MAPK8: variants seen among roughly 807,000 people sequenced by gnomAD.
The protein encoded by MAPK8 is mitogen-activated protein kinase 8, also known as JUN N-terminal kinase.
MAPK8 carries 13 observed loss-of-function variants against 52.9 expected under a neutral mutation model. The ratio of observed to expected loss-of-function variants is 0.25; its 90% CI spans 0.16 to 0.39. MAPK8 has a LOEUF of 0.39. Among genes scored for constraint, MAPK8 ranks in the 10% least tolerant of loss-of-function variants. The probability of loss-of-function intolerance (pLI) is 1.00; values close to 1 mark genes in which losing one functional copy is unlikely to be tolerated. For missense variants in MAPK8, 300 were observed against 519.2 expected, an observed-to-expected ratio of 0.58 and a Z score of 4.10; for synonymous variants, 191 against 169.8, an observed-to-expected ratio of 1.12 and a Z score of -0.97.
At chr10:48,429,631 C>T (rs2044012126) in intron 10 of MAPK8, among the ~76,000 whole-genome samples, 1 of 152,170 alleles carries the variant, frequency 6.6e-6, no homozygotes, top group African/African-American at 2.4e-5. Context: ...AATCCTCTTA[C>T]TGCAAATGTT....
At chr10:48,429,130 T>TA (rs934328222) in intron 10 of MAPK8, among the ~76,000 whole-genome samples, 7 of 151,748 alleles carry the variant, frequency 4.6e-5, no homozygotes, top group African/African-American at 1.7e-4. Flanking sequence ...GCCTAATTTT[T>TA]AAAAAAAAAT....
chr10:48,312,900 T>C (rs531448410), intron 1 of MAPK8, among the ~76,000 whole-genome samples: 1 of 151,278 alleles, frequency 6.6e-6, no homozygotes, highest in African/African-American at 2.5e-5. Flanking sequence ...TTCTACTCTG[T>C]GTAGCCACCT....
intron 10 of MAPK8, 52 bp downstream of exon 10, chr10:48,427,195 T>C: frequency 7.5e-7 from 1 of 1,334,478 alleles, no homozygotes; most frequent in Non-Finnish European, 1.1e-6. Context: ...TTCTGGTTTT[T>C]ATATGGTGAT....
At chr10:48,326,571 A>G (rs1843543108) in intron 1 of MAPK8, among the ~76,000 whole-genome samples, 1 of 152,140 alleles carries the variant, frequency 6.6e-6, no homozygotes, top group African/African-American at 2.4e-5. Flanking sequence ...TGTTTTAGGT[A>G]CTCTCAGCAG....
At chr10:48,352,608 A>C (rs1176580322) in intron 1 of MAPK8, among the ~76,000 whole-genome samples, 1 of 152,240 alleles carries the variant, frequency 6.6e-6, no homozygotes, top group Non-Finnish European at 1.5e-5. Flanking sequence ...TAGGAATAGA[A>C]GCAAACTTCC....
At chr10:48,362,664 G>A (rs1378846465) in intron 1 of MAPK8, among the ~76,000 whole-genome samples, 4 of 151,292 alleles carry the variant, frequency 2.6e-5, no homozygotes, top group Admixed American at 1.3e-4. Flanking sequence ...CAAGAAAAAT[G>A]TGCCTCCAAA....
At chr10:48,345,586 A>C (rs944896733) in intron 1 of MAPK8, among the ~76,000 whole-genome samples, 5 of 152,232 alleles carry the variant, frequency 3.3e-5, no homozygotes, top group African/African-American at 1.2e-4. Context: ...TTCTGCTTCC[A>C]AAATGGGATA....
intron 1 of MAPK8, among the ~76,000 whole-genome samples, chr10:48,349,587 A>G (rs1018503184): frequency 6.6e-6 from 1 of 152,246 alleles, no homozygotes; most frequent in African/African-American, 2.4e-5. Context: ...ACAAAGACAC[A>G]ATGTATCAGA....
At chr10:48,404,782 T>C (rs1209173343) in intron 2 of MAPK8, 70 bp from the exon 3 acceptor site, 1 of 1,233,108 alleles carries the variant, frequency 8.1e-7, no homozygotes, top group East Asian at 2.4e-5. Flanking sequence ...TGTATATGAC[T>C]GTTTCATGAA....
intron 3 of MAPK8, among the ~76,000 whole-genome samples, chr10:48,409,450 A>G (rs901547739): frequency 6.6e-6 from 1 of 152,178 alleles, no homozygotes. Context: ...ATGCTTATGG[A>G]TGAACCAGTG....
intron 1 of MAPK8, among the ~76,000 whole-genome samples, chr10:48,311,667 G>C (rs1841994397): frequency 1.3e-5 from 2 of 152,202 alleles, no homozygotes; most frequent in African/African-American, 4.8e-5. Context: ...ATTTGTCAGA[G>C]ACCTGGTAAC....
chr10:48,434,628 T>G (rs991882878), intron 11 of MAPK8, among the ~76,000 whole-genome samples: 1 of 152,172 alleles, frequency 6.6e-6, no homozygotes, highest in Non-Finnish European at 1.5e-5. Context: ...GATGTAAAAT[T>G]CTTGTCTTAA....
intron 1 of MAPK8, among the ~76,000 whole-genome samples, chr10:48,329,941 A>G (rs190701866): frequency 6.6e-6 from 1 of 152,138 alleles, no homozygotes; most frequent in African/African-American, 2.4e-5. Flanking sequence ...ATTTAAAAAA[A>G]TTTTTTTTAA....
chr10:48,314,290 C>T (rs139376646), intron 1 of MAPK8, among the ~76,000 whole-genome samples: 14 of 152,206 alleles, frequency 9.2e-5, no homozygotes, highest in African/African-American at 3.1e-4. Context: ...ATGGGGGCTC[C>T]ACCCTCATGA....
intron 6 of MAPK8, among the ~76,000 whole-genome samples, chr10:48,421,050 A>T (rs1420501810): frequency 2.0e-5 from 3 of 152,208 alleles, no homozygotes; most frequent in African/African-American, 7.2e-5. Context: ...GAAGCATGGG[A>T]TTTTATGGAA....
chr10:48,328,467 C>G (rs1843751389), intron 1 of MAPK8, among the ~76,000 whole-genome samples: 1 of 152,072 alleles, frequency 6.6e-6, no homozygotes, highest in South Asian at 2.1e-4. Flanking sequence ...TTTGATCTGA[C>G]CTGGTTGATC....
chr10:48,427,766 A>G (rs2043779189), intron 10 of MAPK8, among the ~76,000 whole-genome samples: 2 of 152,256 alleles, frequency 1.3e-5, no homozygotes. Flanking sequence ...TGCTGGGATT[A>G]TAGGCGTGAG....
chr10:48,366,726 C>G (rs1242244831), intron 1 of MAPK8, among the ~76,000 whole-genome samples: 1 of 152,156 alleles, frequency 6.6e-6, no homozygotes, highest in Admixed American at 6.5e-5. Context: ...CATTTCATGG[C>G]CCATCGGTGT....
intron 6 of MAPK8, among the ~76,000 whole-genome samples, chr10:48,422,444 G>C (rs959130297): frequency 1.6e-4 from 25 of 152,198 alleles, no homozygotes; most frequent in Admixed American, 6.5e-5. Flanking sequence ...AGACTAAGCA[G>C]TTAGTTTACA....
Sources: allele counts gnomAD v4.1 joint callset (sites outside exome capture counted in the v4.1 genomes callset), GRCh38; gene constraint gnomAD v4.1.1; transcripts MANE v1.5; gene names NCBI Gene and HGNC (gene_info 2026-07-23, HGNC 2026-07-21).